Variants in PDIA4 observed in about 807,000 individuals in gnomAD.
PDIA4 encodes the protein protein disulfide-isomerase A4.
A neutral mutation model predicts 62.1 loss-of-function variants in PDIA4; 33 were observed. That is an observed-to-expected ratio of 0.53 (90% CI 0.40 to 0.71). The LOEUF is 0.71. Among genes scored for constraint, PDIA4 ranks in the 30% least tolerant of loss-of-function variants. PDIA4 has a pLI of 0.00. For synonymous variants in PDIA4, 341 were observed against 324.1 expected, an observed-to-expected ratio of 1.05 and a Z score of -0.56; for missense variants, 804 against 813.6, an observed-to-expected ratio of 0.99 and a Z score of 0.14.
intron 9 of PDIA4, among the ~76,000 whole-genome samples, chr7:149,004,787 G>A (rs76559608): frequency 0.012 from 1,807 of 152,332 alleles, 28 homozygotes; most frequent in African/African-American, 0.041. Context: ...TGGAATTTTA[G>A]CACATCAGCG....
intron 1 of PDIA4, chr7:149,028,083 A>C: frequency 1.6e-6 from 1 of 613,090 alleles, no homozygotes; most frequent in Non-Finnish European, 3.0e-6. Flanking sequence ...AGGGCGTCGG[A>C]GCCCAAGAGA....
At chr7:149,004,559 G>C (rs1823674813) in intron 9 of PDIA4, among the ~76,000 whole-genome samples, 1 of 152,240 alleles carries the variant, frequency 6.6e-6, no homozygotes, top group Non-Finnish European at 1.5e-5. Flanking sequence ...CATCGGAACA[G>C]CATGGCCTGC....
intron 1 of PDIA4, chr7:149,027,973 A>G (rs1824616723): frequency 3.9e-6 from 2 of 518,382 alleles, no homozygotes; most frequent in South Asian, 1.5e-5. Flanking sequence ...GCCTGGAGTT[A>G]GCCTGGACCT....
Position 149,012,235 on chromosome 7 carries a change from A to G in PDIA4, c.740T>C (p.Phe247Ser). ...ATAETDLAKR[F>S]DVSGYPTLKI... ...CAGGGTGGGATAGCCAGAGACATCA[A>G]ACCTCTTGGCCAGGTCTGTTTCTGC... Residue 247 changes from phenylalanine (F) to serine (S), a missense_variant, in exon 5 of 10, where the codon TTT becomes TCT. Transcript: ENST00000652332. The G allele has an allele frequency of 6.2e-7, 1 of 1,613,992 alleles. No homozygotes were observed. Among genetic ancestry groups the G allele is most frequent in the Non-Finnish European group, 8.5e-7 (1 of 1,179,958 alleles).
rs77890558 is a variant in PDIA4, at chr7:149,010,154, T to C, written c.979+1692A>G. Reference sequence around the variant, plus strand: ...GCTTTAGACTTGTTAGTTATTAACCTTCCGAGCCACAGGCCCTTCTCTGTA... The same window carrying C: ...GCTTTAGACTTGTTAGTTATTAACCCTCCGAGCCACAGGCCCTTCTCTGTA... On this transcript the variant is annotated intron_variant, in intron 6 of 9. Coordinates refer to ENST00000652332, the MANE Select transcript of PDIA4 (RefSeq NM_004911.5). 5.0e-3 allele frequency among the ~76,000 whole-genome samples: 764 copies of C among 152,262 alleles called. 5 individuals carry two copies. The highest frequency in any genetic ancestry group is 0.018 in the African/African-American group (733 of 41,540).
chr7:149,018,459 T>G (rs576103712), intron 3 of PDIA4, among the ~76,000 whole-genome samples: 1 of 151,192 alleles, frequency 6.6e-6, no homozygotes, highest in Non-Finnish European at 1.5e-5. Flanking sequence ...TGAAACAGAG[T>G]CTCATTCTGT....
At chr7:149,020,244 A>C (rs1034494130) in intron 2 of PDIA4, among the ~76,000 whole-genome samples, 1 of 152,204 alleles carries the variant, frequency 6.6e-6, no homozygotes, top group African/African-American at 2.4e-5. Flanking sequence ...TATAGGTGTG[A>C]GCCACCATGC....
Position 149,003,993 on chromosome 7 carries a change from A to G in PDIA4, c.1739T>C (p.Ile580Thr), listed in dbSNP as rs754143063. The change falls in exon 10 of 10, where the codon ATC (isoleucine) becomes ACC (threonine). Residue 580 changes from isoleucine (I) to threonine (T), a missense_variant. Physicochemically the swap from Ile to Thr is moderately conservative, Grantham distance 89. Transcript: ENST00000652332. ...GTTGGCAGTGGCGTCCATCTTGGCG[A>G]TGACCAGGCCCTTTTGGCCCTTGTA... The part of the protein sequence containing the change: ...KKYKGQKGLV[I>T]AKMDATANDV... The G allele has an allele frequency of 6.2e-7, 1 of 1,613,808 alleles. No individual in the cohort carries two copies. The highest frequency in any genetic ancestry group is 1.7e-5 in the Admixed American group (1 of 60,002).
intron 1 of PDIA4, among the ~76,000 whole-genome samples, chr7:149,021,507 A>AAC (rs1824355312): frequency 6.6e-6 from 1 of 151,628 alleles, no homozygotes; most frequent in African/African-American, 2.4e-5. Flanking sequence ...AAAAAAAAAA[A>AAC]AAAACTTTCC....
intron 3 of PDIA4, among the ~76,000 whole-genome samples, chr7:149,016,351 A>G (rs1824139541): frequency 6.6e-6 from 1 of 152,204 alleles, no homozygotes; most frequent in South Asian, 2.1e-4. Flanking sequence ...TTCTTTATGT[A>G]TGGATATGGC....
chr7:149,026,845 C>T (rs1276388039), intron 1 of PDIA4, among the ~76,000 whole-genome samples: 1 of 151,668 alleles, frequency 6.6e-6, no homozygotes, highest in Non-Finnish European at 1.5e-5. Context: ...GGAGGCCTGC[C>T]CTTGGCCATG....
intron 6 of PDIA4, among the ~76,000 whole-genome samples, chr7:149,010,907 T>C (rs540379176): frequency 6.6e-6 from 1 of 152,364 alleles, no homozygotes; most frequent in East Asian, 1.9e-4. Flanking sequence ...GCAGTCAGAC[T>C]TGGGGCTACG....
At chr7:149,014,751 G>A (rs918382581) in intron 4 of PDIA4, among the ~76,000 whole-genome samples, 153 bp downstream of exon 4, 2 of 152,200 alleles carry the variant, frequency 1.3e-5, no homozygotes, top group Middle Eastern at 3.4e-3. Flanking sequence ...TTACATCCAC[G>A]CTTCTTCCAG....
In PDIA4 at chr7:149,005,904, G is replaced by T; in HGVS notation, c.1281C>A (p.Tyr427Ter). The T allele has an allele frequency of 6.6e-7, 1 of 1,511,526 alleles. No individual in the cohort carries two copies. Among genetic ancestry groups the T allele is most frequent in the Non-Finnish European group, 8.8e-7 (1 of 1,138,684 alleles). The allele number at this position is 1,511,526 out of a possible 1,614,324, so 93.6% of individuals were successfully genotyped here. Residue 427 changes from tyrosine to a stop codon, truncating the protein, a stop_gained, in exon 8 of 10, where the codon TAC (tyrosine) becomes TAA (stop). Coordinates refer to ENST00000652332, the MANE Select transcript of PDIA4 (RefSeq NM_004911.5). LOFTEE classifies it high-confidence loss of function. ...VYYSVDFSFD[Y>*]RAATQFWRSK... ...TTGGTGGGGGTCCCTCACCAGCTCT[G>T]TAATCAAAGCTGAAGTCCACACTGT...
At chr7:149,014,495 TTCC>T (rs1824061584) in intron 4 of PDIA4, among the ~76,000 whole-genome samples, 1 of 152,104 alleles carries the variant, frequency 6.6e-6, no homozygotes, top group Non-Finnish European at 1.5e-5. Context: ...AGCCGTCTTC[TTCC>T]GCTCTGCTCT....
Position 149,028,423 on chromosome 7 carries a change from A to G in PDIA4, c.-15T>C. On this transcript the variant is annotated 5_prime_UTR_variant, in exon 1 of 10. Coordinates refer to ENST00000652332, the MANE Select transcript of PDIA4 (RefSeq NM_004911.5). Reference sequence around the variant, plus strand: ...CGGGGCCTCATGGTAGCGGGGGCGGAGCGCGGCCTCCTAGCGTCGGCGGCC... The same window carrying G: ...CGGGGCCTCATGGTAGCGGGGGCGGGGCGCGGCCTCCTAGCGTCGGCGGCC... 9 of 1,475,428 alleles carry G rather than the reference A, an allele frequency of 6.1e-6. No homozygotes were observed. The highest frequency in any genetic ancestry group is 8.1e-6 in the Non-Finnish European group (9 of 1,110,998). 91.4% of individuals were successfully genotyped at this position (1,475,428 alleles called of 1,614,324 possible). A position where few individuals can be genotyped will look rare whatever the true frequency, so the allele number is the denominator to read the frequency against.
Position 149,021,031 on chromosome 7 carries a change from CA to C in PDIA4, c.204del (p.Asn68LysfsTer41), listed in dbSNP as rs1193428636. ...GCCACAAAATTATCAAAGTTTGCAT[CA>C]TTTAGGACCAAGACTCCATTTTCTT... ...VKEENGVLVL[N>X]DANFDNFVAD... On this transcript the variant is annotated frameshift_variant, in exon 2 of 10. Transcript: ENST00000652332. LOFTEE classifies it high-confidence loss of function. 6.2e-7 allele frequency: 1 copy of C among 1,614,072 alleles called. No individual in the cohort carries two copies. Among genetic ancestry groups the C allele is most frequent in the African/African-American group, 1.3e-5 (1 of 74,926 alleles).
intron 6 of PDIA4, among the ~76,000 whole-genome samples, chr7:149,011,030 T>C (rs1823927026): frequency 6.6e-6 from 1 of 152,266 alleles, no homozygotes; most frequent in African/African-American, 2.4e-5. Flanking sequence ...GAAGGGAATT[T>C]AGCTCTACTG....
chr7:149,007,476 A>G (rs929111343), intron 7 of PDIA4, among the ~76,000 whole-genome samples: 2 of 152,146 alleles, frequency 1.3e-5, no homozygotes, highest in Admixed American at 6.5e-5. Flanking sequence ...TCTGCAGCCC[A>G]ATCTCTGTTA....
Sources: gnomAD v4.1 joint callset for allele counts (sites outside exome capture counted in the v4.1 genomes callset) on GRCh38, gnomAD v4.1.1 for gene constraint, MANE v1.5 for transcripts, NCBI Gene and HGNC (gene_info 2026-07-23, HGNC 2026-07-21) for gene names.